Variants in PAQR5 observed in about 807,000 individuals in gnomAD.
The protein encoded by PAQR5 is membrane progestin receptor gamma.
In PAQR5, 20 loss-of-function variants were observed where a neutral mutation model predicts 34.5. The observed-to-expected ratio is 0.58, with a 90% CI of 0.41 to 0.84. The LOEUF (loss-of-function observed/expected upper bound fraction) is 0.84, where lower values mean the gene tolerates loss of function less well. Among genes scored for constraint, PAQR5 ranks in the 40% least tolerant of loss-of-function variants. The pLI, the probability that PAQR5 is intolerant of heterozygous loss-of-function variation, is 0.00. For synonymous variants in PAQR5, 131 were observed against 155.6 expected (o/e 0.84, Z 1.18); for missense variants, 378 against 412.7 (o/e 0.92, Z 0.73).
At chr15:69,340,273 A>G (rs757229617) in intron 2 of PAQR5, among the ~76,000 whole-genome samples, 2 of 152,130 alleles carry the variant, frequency 1.3e-5, no homozygotes, top group Non-Finnish European at 2.9e-5. Flanking sequence ...ATAGCAAGCA[A>G]TATCTATAAA....
At chr15:69,322,817 A>G (rs59321625) in intron 1 of PAQR5, among the ~76,000 whole-genome samples, 8 of 144,202 alleles carry the variant, frequency 5.5e-5, no homozygotes, top group African/African-American at 1.6e-4. Flanking sequence ...AAGAGGAAGA[A>G]GAAGAAGAAG....
At chr15:69,373,767 C>A (rs2055627738) in intron 3 of PAQR5, among the ~76,000 whole-genome samples, 1 of 152,094 alleles carries the variant, frequency 6.6e-6, no homozygotes, top group Non-Finnish European at 1.5e-5. Context: ...TCATGTCCCA[C>A]TAATTTTTGT....
chr15:69,303,923 A>G (rs1397911364), intron 1 of PAQR5, among the ~76,000 whole-genome samples: 1 of 152,022 alleles, frequency 6.6e-6, no homozygotes, highest in African/African-American at 2.4e-5. Context: ...ATCTTTTTCC[A>G]TCGTCATTGT....
rs1052033475 is a variant in PAQR5 at position 69,339,174 on chromosome 15, C to CA, written c.-116+1673_-116+1674insA. Among the ~76,000 whole-genome samples the CA allele has an allele frequency of 4.8e-5, 7 of 146,064 alleles. No individual in the cohort carries two copies. In the East Asian group the frequency reaches 8.2e-4, roughly 17 times the overall value. On this transcript the variant is annotated intron_variant, in intron 2 of 8. Transcript: ENST00000395407. ...CACTCCTGGCCCACTGGCTACACCC[C>CA]CCACCCCGCCACCAAGTTATCCTTA...
intron 3 of PAQR5, among the ~76,000 whole-genome samples, chr15:69,371,778 A>G (rs978372371): frequency 2.6e-5 from 4 of 152,212 alleles, no homozygotes; most frequent in African/African-American, 9.6e-5. Context: ...CGTATTTTTA[A>G]TCCCTTTAAA....
rs1306452154 is a variant in PAQR5 at position 69,404,114 on chromosome 15, A to G, written c.*292A>G. ...TACTTAAAATGTGGTTTTAAATTCT[A>G]TTTAAACATTTGGATTAAGCATATT... On this transcript the variant is annotated 3_prime_UTR_variant, in exon 9 of 9. Transcript: ENST00000395407. 4 of 322,338 alleles carry G rather than the reference A, an allele frequency of 1.2e-5. No homozygotes were observed. The highest frequency in any genetic ancestry group is 1.2e-5 in the Non-Finnish European group (2 of 173,594). The allele number at this position is 322,338 out of a possible 1,614,324, so 20.0% of individuals were successfully genotyped here.
intron 1 of PAQR5, among the ~76,000 whole-genome samples, chr15:69,306,011 T>C (rs563871118): frequency 1.4e-4 from 22 of 152,308 alleles, no homozygotes; most frequent in African/African-American, 5.3e-4. Flanking sequence ...GAAGAAACTC[T>C]GCTCTGGACT....
chr15:69,319,555 C>T (rs1425127997), intron 1 of PAQR5, among the ~76,000 whole-genome samples: 3 of 151,978 alleles, frequency 2.0e-5, no homozygotes, highest in Non-Finnish European at 4.4e-5. Flanking sequence ...TCGAGATAGG[C>T]CCACCTTGGC....
At chr15:69,349,126 C>T (rs898393960) in intron 2 of PAQR5, among the ~76,000 whole-genome samples, 7 of 151,994 alleles carry the variant, frequency 4.6e-5, no homozygotes, top group African/African-American at 1.2e-4. Flanking sequence ...AAAATTTGCC[C>T]GTAATGTGGG....
At chr15:69,380,824 G>A (rs1395046948) in intron 4 of PAQR5, among the ~76,000 whole-genome samples, 7 of 152,198 alleles carry the variant, frequency 4.6e-5, no homozygotes, top group East Asian at 1.9e-4. Context: ...ACGGGGTGGC[G>A]TCCTTACGTC....
intron 2 of PAQR5, among the ~76,000 whole-genome samples, chr15:69,340,665 G>T (rs2054617928): frequency 6.6e-6 from 1 of 152,136 alleles, no homozygotes; most frequent in South Asian, 2.1e-4. Context: ...GCATGGCGGG[G>T]TGAGCTTCTG....
At chr15:69,302,245 G>A (rs970390850) in intron 1 of PAQR5, among the ~76,000 whole-genome samples, 1 of 151,966 alleles carries the variant, frequency 6.6e-6, no homozygotes, top group African/African-American at 2.4e-5. Flanking sequence ...GCTAATTTTT[G>A]TATTTTTTGT....
chr15:69,354,559 T>C (rs1024814560), intron 2 of PAQR5, among the ~76,000 whole-genome samples: 1 of 152,356 alleles, frequency 6.6e-6, no homozygotes, highest in African/African-American at 2.4e-5. Flanking sequence ...AATTGTATCA[T>C]GTTTTGCAGA....
At chr15:69,360,152 G>C (rs376642165) in intron 3 of PAQR5, 21 bp downstream of exon 3, 45 of 1,597,162 alleles carry the variant, frequency 2.8e-5, no homozygotes, top group Non-Finnish European at 3.8e-5. Flanking sequence ...TATTGATTAT[G>C]ATGGTTCATT....
chr15:69,366,752 T>C (rs900073747), intron 3 of PAQR5, among the ~76,000 whole-genome samples: 8 of 152,232 alleles, frequency 5.3e-5, no homozygotes, highest in African/African-American at 1.9e-4. Context: ...TTGTTCTACT[T>C]GATCTATGCA....
chr15:69,354,707 A>ATT (rs1260134067), intron 2 of PAQR5, among the ~76,000 whole-genome samples: 3 of 152,160 alleles, frequency 2.0e-5, no homozygotes, highest in Non-Finnish European at 4.4e-5. Flanking sequence ...ATACCTAGAG[A>ATT]ACTGCTAAGC....
chr15:69,365,160 G>T (rs1409400092), intron 3 of PAQR5, among the ~76,000 whole-genome samples: 1 of 149,570 alleles, frequency 6.7e-6, no homozygotes, highest in East Asian at 2.0e-4. Context: ...AGGCTGGAGT[G>T]CAGTGGCGCA....
At chr15:69,319,602 C>T (rs891688386) in intron 1 of PAQR5, among the ~76,000 whole-genome samples, 1 of 152,114 alleles carries the variant, frequency 6.6e-6, no homozygotes, top group Non-Finnish European at 1.5e-5. Flanking sequence ...TCTTTGGAAA[C>T]ACAGCTGGGC....
At chr15:69,310,862 C>A (rs1310576600) in intron 1 of PAQR5, among the ~76,000 whole-genome samples, 2 of 151,448 alleles carry the variant, frequency 1.3e-5, no homozygotes, top group Non-Finnish European at 2.9e-5. Context: ...CACGGTGAAA[C>A]CCCGTCTCTA....
Sources: gnomAD v4.1 joint callset for allele counts (sites outside exome capture counted in the v4.1 genomes callset) on GRCh38, gnomAD v4.1.1 for gene constraint, MANE v1.5 for transcripts, NCBI Gene and HGNC (gene_info 2026-07-23, HGNC 2026-07-21) for gene names.